The following GABRA3 variants were observed in gnomAD, a reference collection of about 807,000 sequenced individuals.
GABRA3 encodes gamma-aminobutyric acid receptor subunit alpha-3.
GABRA3 carries 10 observed loss-of-function variants against 30.1 expected under a neutral mutation model. The observed-to-expected ratio is 0.33, with a 90% CI of 0.20 to 0.56. The LOEUF (loss-of-function observed/expected upper bound fraction) is 0.56. Among genes scored for constraint, GABRA3 ranks in the 20% least tolerant of loss-of-function variants. The pLI, the probability that GABRA3 is intolerant of heterozygous loss-of-function variation, is 0.89. For missense variants in GABRA3, 233 were observed against 392.0 expected (o/e 0.59, Z 3.42); for synonymous variants, 151 against 146.8 (o/e 1.03, Z -0.21).
intron 9 of GABRA3, chrX:152,187,125 C>T (rs763493619): frequency 9.9e-5 from 11 of 111,662 alleles, no homozygotes; most frequent in African/African-American, 3.3e-4. Context: ...TTTAATATGT[C>T]AGAGTAAGGA....
rs185790048 is a variant in GABRA3 at position 152,271,117 on chromosome X, C to T, written c.330+13551G>A. Among the ~76,000 whole-genome samples the T allele has an allele frequency of 1.3e-4, 14 of 109,766 alleles. No individual in the cohort carries two copies. In the East Asian group the frequency reaches 4.1e-3, roughly 32 times the overall value. On this transcript the variant is annotated intron_variant, in intron 4 of 9. Coordinates refer to ENST00000370314, the MANE Select transcript of GABRA3 (RefSeq NM_000808.4). The stretch of plus-strand genomic sequence containing the variant: ...AGCTGAGATTACAGGCACCTGCTAC[C>T]ATGCCTGGCTAATTATTGCATTTTT...
At chrX:152,302,002 A>T (rs1939639979) in intron 3 of GABRA3, among the ~76,000 whole-genome samples, 4 of 111,722 alleles carry the variant, frequency 3.6e-5, no homozygotes, top group Non-Finnish European at 5.6e-5. Flanking sequence ...TCTTGTGAAG[A>T]TTGTAAGCCC....
At chrX:152,213,154 G>A (rs1274697587) in intron 6 of GABRA3, among the ~76,000 whole-genome samples, 2 of 111,343 alleles carry the variant, frequency 1.8e-5, no homozygotes, top group Non-Finnish European at 3.8e-5. Context: ...ACAGACCCCA[G>A]GAAAAAAGGA....
chrX:152,357,314 C>T (rs944076464), intron 2 of GABRA3, among the ~76,000 whole-genome samples: 1 of 111,639 alleles, frequency 9.0e-6, no homozygotes, highest in Non-Finnish European at 1.9e-5. Flanking sequence ...TTAATAATAG[C>T]CATTCGGACT....
At chrX:152,291,236 T>C (rs1939409358) in intron 3 of GABRA3, among the ~76,000 whole-genome samples, 1 of 111,841 alleles carries the variant, frequency 8.9e-6, no homozygotes, top group African/African-American at 3.3e-5. Context: ...TTCACATCTC[T>C]TGTAAGTTGG....
chrX:152,396,096 G>A (rs1423893684), intron 1 of GABRA3, among the ~76,000 whole-genome samples: 5 of 111,563 alleles, frequency 4.5e-5, no homozygotes, highest in African/African-American at 1.6e-4. Context: ...TAATGGATTA[G>A]GGTCAGCCCT....
intron 5 of GABRA3, among the ~76,000 whole-genome samples, chrX:152,228,880 C>T (rs1309755085): frequency 3.6e-5 from 4 of 111,127 alleles, no homozygotes; most frequent in African/African-American, 1.3e-4. Flanking sequence ...ATTCATTTAA[C>T]AACATCAGGG....
chrX:152,410,076 C>T (rs1010781682), intron 1 of GABRA3, among the ~76,000 whole-genome samples: 7 of 111,752 alleles, frequency 6.3e-5, no homozygotes, highest in African/African-American at 2.3e-4. Context: ...GATGGAACTG[C>T]AGGACATTAT....
At chrX:152,345,990 C>G (rs1940386585) in intron 2 of GABRA3, among the ~76,000 whole-genome samples, 1 of 111,389 alleles carries the variant, frequency 9.0e-6, no homozygotes, top group South Asian at 3.7e-4. Context: ...AAATTCTGGA[C>G]AGAATGTCAC....
chrX:152,208,521 A>G (rs1323261118), intron 6 of GABRA3, among the ~76,000 whole-genome samples: 1 of 111,641 alleles, frequency 9.0e-6, no homozygotes, highest in East Asian at 2.8e-4. Context: ...CAGGAGCCAT[A>G]GAGGTTGACA....
rs1471761907 is a variant in GABRA3 at position 152,222,398 on chromosome X, C to T, written c.634+2365G>A. Among the ~76,000 whole-genome samples the T allele has an allele frequency of 3.7e-5, 4 of 107,328 alleles. No individual in the cohort carries two copies. In the Admixed American group the frequency reaches 4.1e-4, roughly 11 times the overall value. The allele number at this position is 107,328 out of a possible 115,157, so 93.2% of individuals were successfully genotyped here. A position where few individuals can be genotyped will look rare whatever the true frequency, so the allele number is the denominator to read the frequency against. On this transcript the variant is annotated intron_variant, in intron 6 of 9. Transcript: ENST00000370314. ...TTCCCTGTAATTCTAATTTATTCTT[C>T]TTTATAGGTTCCAATTTTCTGTTAA...
At chrX:152,275,457 T>TATATGTA (rs1939061844) in intron 4 of GABRA3, among the ~76,000 whole-genome samples, 2 of 105,700 alleles carry the variant, frequency 1.9e-5, no homozygotes, top group Middle Eastern at 4.8e-3. Context: ...ATATTTATTT[T>TATATGTA]AAATATCAAA....
At chrX:152,415,604 A>G (rs1426147747) in intron 1 of GABRA3, among the ~76,000 whole-genome samples, 1 of 111,094 alleles carries the variant, frequency 9.0e-6, no homozygotes, top group Non-Finnish European at 1.9e-5. Context: ...GAGACACACA[A>G]AAAAGAGCAC....
Position 152,228,352 on chromosome X carries a change from A to T in GABRA3, c.552-3507T>A, listed in dbSNP as rs144231011. 3.5e-3 allele frequency among the ~76,000 whole-genome samples: 388 copies of T among 111,924 alleles called. 3 individuals carry two copies. Among genetic ancestry groups the T allele is most frequent in the African/African-American group, 0.012 (369 of 30,902 alleles). ...GTCTCCTCTGTGCTTAGGTGGGTTG[A>T]GCAAGAAGTGGATGGGAAGAAAGAT... On this transcript the variant is annotated intron_variant, in intron 5 of 9. Transcript: ENST00000370314.
chrX:152,318,372 T>G (rs1389728741), intron 3 of GABRA3, among the ~76,000 whole-genome samples: 2 of 111,391 alleles, frequency 1.8e-5, no homozygotes, highest in African/African-American at 3.3e-5. Flanking sequence ...CCAGACCAAT[T>G]CACAGCTGAA....
At chrX:152,390,875 CA>C (rs1031375524) in intron 1 of GABRA3, among the ~76,000 whole-genome samples, 4 of 110,106 alleles carry the variant, frequency 3.6e-5, no homozygotes, top group African/African-American at 1.3e-4. Flanking sequence ...TAGGGAAAAA[CA>C]AAAAAAAGTG....
At chrX:152,329,117 T>C (rs1310623052) in intron 3 of GABRA3, among the ~76,000 whole-genome samples, 1 of 111,210 alleles carries the variant, frequency 9.0e-6, no homozygotes, top group Non-Finnish European at 1.9e-5. Context: ...GAGAATGAAA[T>C]ATCTAGGAAT....
At chrX:152,212,147 G>A (rs1937635063) in intron 6 of GABRA3, among the ~76,000 whole-genome samples, 1 of 106,865 alleles carries the variant, frequency 9.4e-6, no homozygotes, top group Admixed American at 1.0e-4. Flanking sequence ...AGCTGGGCAT[G>A]GTGGCACATG....
chrX:152,290,049 G>A (rs1339306831), intron 3 of GABRA3, among the ~76,000 whole-genome samples: 1 of 111,832 alleles, frequency 8.9e-6, no homozygotes, highest in African/African-American at 3.3e-5. Context: ...GGGATCGCTA[G>A]GTCAAATGGT....
Sources: gnomAD v4.1 joint callset for allele counts (sites outside exome capture counted in the v4.1 genomes callset) on GRCh38, gnomAD v4.1.1 for gene constraint, MANE v1.5 for transcripts, NCBI Gene and HGNC (gene_info 2026-07-23, HGNC 2026-07-21) for gene names.